TDRD3: variants seen among roughly 807,000 people sequenced by gnomAD.
The protein encoded by TDRD3 is tudor domain-containing protein 3.
Under a neutral mutation model 86.7 loss-of-function variants are expected in TDRD3, and 45 were observed. The observed-to-expected ratio is 0.52, with a 90% CI of 0.41 to 0.67. The LOEUF is 0.67. Among genes scored for constraint, TDRD3 ranks in the 30% least tolerant of loss-of-function variants. TDRD3 has a pLI of 0.00. For missense variants in TDRD3, 814 were observed against 889.0 expected, an observed-to-expected ratio of 0.92 and a Z score of 1.07; for synonymous variants, 298 against 301.7, an observed-to-expected ratio of 0.99 and a Z score of 0.13.
intron 1 of TDRD3, among the ~76,000 whole-genome samples, chr13:60,402,739 C>CCAGGCTA (rs1402021825): frequency 3.5e-5 from 5 of 143,942 alleles, no homozygotes; most frequent in Non-Finnish European, 6.0e-5. Flanking sequence ...CTCTTGTTGC[C>CCAGGCTA]CAGGCTAGAG....
rs1232878596 is a variant in TDRD3 at position 60,397,248 on chromosome 13, C to G, written c.-117C>G. 2 of 571,470 alleles carry G rather than the reference C, an allele frequency of 3.5e-6. No homozygotes were observed. Among genetic ancestry groups the G allele is most frequent in the Non-Finnish European group, 5.5e-6 (2 of 362,840 alleles). The allele number at this position is 571,470 out of a possible 1,614,324, so 35.4% of individuals were successfully genotyped here. A position where few individuals can be genotyped will look rare whatever the true frequency, so the allele number is the denominator to read the frequency against. Reference sequence around the variant, plus strand: ...GAGCATGCCCAGTTGCAGAGCCGACCAGAGGAGTTTTTTCTTTTCTTTTCT... The same window carrying G: ...GAGCATGCCCAGTTGCAGAGCCGACGAGAGGAGTTTTTTCTTTTCTTTTCT... On this transcript the variant is annotated 5_prime_UTR_variant, in exon 1 of 14. Transcript: ENST00000377881.
intron 5 of TDRD3, among the ~76,000 whole-genome samples, chr13:60,480,702 T>G (rs899318649): frequency 1.3e-5 from 2 of 152,120 alleles, no homozygotes; most frequent in Non-Finnish European, 2.9e-5. Flanking sequence ...ATAATTTACC[T>G]CAGGTTGGGG....
intron 1 of TDRD3, among the ~76,000 whole-genome samples, chr13:60,405,376 A>C (rs1954210712): frequency 6.6e-6 from 1 of 152,210 alleles, no homozygotes; most frequent in Admixed American, 6.5e-5. Flanking sequence ...AACATACTGC[A>C]TCTATAAAGA....
At chr13:60,534,220 A>G (rs929920603) in intron 11 of TDRD3, among the ~76,000 whole-genome samples, 1 of 152,136 alleles carries the variant, frequency 6.6e-6, no homozygotes, top group Non-Finnish European at 1.5e-5. Context: ...GGTTGCAGCA[A>G]GAGGACAACT....
intron 3 of TDRD3, among the ~76,000 whole-genome samples, chr13:60,452,934 A>G (rs191972060): frequency 2.0e-5 from 3 of 151,462 alleles, no homozygotes; most frequent in Admixed American, 6.6e-5. Flanking sequence ...TATCAGTTTC[A>G]TTAGTCTTTG....
chr13:60,467,174 T>G, intron 4 of TDRD3, 64 bp from the exon 5 acceptor site: 1 of 1,587,146 alleles, frequency 6.3e-7, no homozygotes, highest in Non-Finnish European at 8.6e-7. Context: ...CTGTGTTGTT[T>G]CCCGCCCTGT....
At chr13:60,428,797 G>A (rs1297649674) in intron 1 of TDRD3, among the ~76,000 whole-genome samples, 1 of 152,132 alleles carries the variant, frequency 6.6e-6, no homozygotes, top group Non-Finnish European at 1.5e-5. Context: ...ATGAGTTAAT[G>A]AAAACTCAAG....
intron 5 of TDRD3, among the ~76,000 whole-genome samples, chr13:60,473,256 G>A (rs1956108809): frequency 6.6e-6 from 1 of 152,132 alleles, no homozygotes; most frequent in Non-Finnish European, 1.5e-5. Flanking sequence ...CCATTCCTGT[G>A]ATAACAGCAT....
chr13:60,494,610 T>C (rs1956674809), intron 8 of TDRD3, 35 bp downstream of exon 8: 1 of 1,590,208 alleles, frequency 6.3e-7, no homozygotes, highest in African/African-American at 1.4e-5. Context: ...ATTTAAAGTG[T>C]TATTTCTTAA....
rs1357503507 is a variant in TDRD3, at chr13:60,535,249, T to G, written c.2118+16T>G. 1 of 1,607,730 alleles carries G rather than the reference T, an allele frequency of 6.2e-7. No homozygotes were observed. Among genetic ancestry groups the G allele is most frequent in the South Asian group, 1.1e-5 (1 of 89,718 alleles). On this transcript the variant is annotated intron_variant, in intron 12 of 13. Coordinates refer to ENST00000377881, the MANE Select transcript of TDRD3 (RefSeq NM_001146070.2). ...AGAGGCATGGGTACGTGATACATAT[T>G]CTGTACAAAGGCATAAACTATTTTG...
intron 6 of TDRD3, chr13:60,484,892 A>C: frequency 3.5e-6 from 1 of 282,794 alleles, no homozygotes; most frequent in South Asian, 3.5e-5. Flanking sequence ...TTTCTCTTCC[A>C]GAGACTTATG....
intron 1 of TDRD3, 68 bp downstream of exon 1, chr13:60,397,473 G>A: frequency 3.0e-6 from 4 of 1,338,296 alleles, no homozygotes; most frequent in South Asian, 3.1e-5. Flanking sequence ...GGTTGGGTTG[G>A]GGGCGGCGGG....
At chr13:60,412,582 T>G (rs1954392530) in intron 1 of TDRD3, among the ~76,000 whole-genome samples, 1 of 152,212 alleles carries the variant, frequency 6.6e-6, no homozygotes, top group African/African-American at 2.4e-5. Flanking sequence ...ATGGATGCTT[T>G]TTTAATGAAA....
At chr13:60,525,166 CTTTTTTT>C (rs71199006) in intron 10 of TDRD3, among the ~76,000 whole-genome samples, 2 of 56,092 alleles carry the variant, frequency 3.6e-5, no homozygotes, top group Admixed American at 3.1e-4. Flanking sequence ...TAAGGGAATT[CTTTTTTT>C]TTTTTTTTTT....
intron 7 of TDRD3, among the ~76,000 whole-genome samples, chr13:60,493,518 C>T (rs1267415666): frequency 2.6e-5 from 4 of 151,940 alleles, no homozygotes; most frequent in East Asian, 3.9e-4. Flanking sequence ...AAAAATTAGC[C>T]GGGTGGTAGT....
chr13:60,479,961 C>T (rs917859966), intron 5 of TDRD3, among the ~76,000 whole-genome samples: 24 of 152,122 alleles, frequency 1.6e-4, no homozygotes, highest in African/African-American at 3.6e-4. Flanking sequence ...AACTTGCCAT[C>T]GTATTCCTTT....
intron 10 of TDRD3, among the ~76,000 whole-genome samples, chr13:60,523,584 T>C (rs906517505): frequency 6.9e-6 from 1 of 145,294 alleles, no homozygotes; most frequent in Non-Finnish European, 1.5e-5. Flanking sequence ...TTTTTTTTTT[T>C]TTTTTTTTTT....
chr13:60,572,032 T>C (rs1357045422), intron 13 of TDRD3, among the ~76,000 whole-genome samples: 1 of 152,212 alleles, frequency 6.6e-6, no homozygotes, highest in Non-Finnish European at 1.5e-5. Flanking sequence ...AGAGAAATTA[T>C]ACACAGTTCT....
chr13:60,432,998 A>T (rs1285415969), intron 1 of TDRD3, among the ~76,000 whole-genome samples: 1 of 152,168 alleles, frequency 6.6e-6, no homozygotes, highest in Non-Finnish European at 1.5e-5. Flanking sequence ...AATTAAGAAC[A>T]CCATGTACCA....
Sources: gnomAD v4.1 joint callset for allele counts (sites outside exome capture counted in the v4.1 genomes callset) on GRCh38, gnomAD v4.1.1 for gene constraint, MANE v1.5 for transcripts, NCBI Gene and HGNC (gene_info 2026-07-23, HGNC 2026-07-21) for gene names.